The following CLSTN2 variants were observed in gnomAD, a reference collection of about 807,000 sequenced individuals.
The protein encoded by CLSTN2 is calsyntenin-2.
A neutral mutation model predicts 101.2 loss-of-function variants in CLSTN2; 48 were observed. The ratio of observed to expected loss-of-function variants is 0.47; its 90% confidence interval spans 0.38 to 0.60. CLSTN2 has a LOEUF of 0.60. CLSTN2 is among the 20% of genes least tolerant of loss of function. CLSTN2 has a pLI of 0.00. For missense variants in CLSTN2, 1,160 were observed against 1,238.2 expected (o/e 0.94, Z 0.95); for synonymous variants, 481 against 463.6 (o/e 1.04, Z -0.48).
chr3:140,492,946 AC>A (rs1934382204), intron 8 of CLSTN2, among the ~76,000 whole-genome samples: 1 of 152,142 alleles, frequency 6.6e-6, no homozygotes, highest in Admixed American at 6.6e-5. Context: ...AGTCTGACAA[AC>A]CCTACTTATC....
At chr3:140,302,024 G>A (rs1264930570) in intron 2 of CLSTN2, among the ~76,000 whole-genome samples, 1 of 152,156 alleles carries the variant, frequency 6.6e-6, no homozygotes, top group African/African-American at 2.4e-5. Flanking sequence ...TCTGTGCATG[G>A]ATTGGACTTT....
intron 2 of CLSTN2, among the ~76,000 whole-genome samples, chr3:140,205,706 A>G (rs968802521): frequency 6.7e-6 from 1 of 149,934 alleles, no homozygotes; most frequent in African/African-American, 2.4e-5. Context: ...CAGTCAAAAC[A>G]CCACTTTCCA....
chr3:140,374,746 C>T (rs1246163374), intron 2 of CLSTN2, among the ~76,000 whole-genome samples: 2 of 152,116 alleles, frequency 1.3e-5, no homozygotes, highest in African/African-American at 4.8e-5. Context: ...TAAGTAGATA[C>T]CTGTTCTTTC....
At chr3:139,999,927 C>G (rs1465046150) in intron 1 of CLSTN2, among the ~76,000 whole-genome samples, 1 of 149,174 alleles carries the variant, frequency 6.7e-6, no homozygotes, top group Non-Finnish European at 1.5e-5. Flanking sequence ...TGCATTCTAA[C>G]CTGGGCAATG....
intron 1 of CLSTN2, among the ~76,000 whole-genome samples, chr3:139,938,345 G>A (rs914051868): frequency 6.6e-6 from 1 of 152,140 alleles, no homozygotes; most frequent in Non-Finnish European, 1.5e-5. Context: ...TGTGTCTGTG[G>A]TGCACAGCTT....
At chr3:139,989,871 T>G (rs947081176) in intron 1 of CLSTN2, among the ~76,000 whole-genome samples, 9 of 152,230 alleles carry the variant, frequency 5.9e-5, no homozygotes, top group Non-Finnish European at 1.3e-4. Flanking sequence ...GAAATTGAAT[T>G]AGCAGATTTG....
At chr3:140,084,210 A>G (rs1016539129) in intron 1 of CLSTN2, among the ~76,000 whole-genome samples, 1 of 152,148 alleles carries the variant, frequency 6.6e-6, no homozygotes, top group South Asian at 2.1e-4. Flanking sequence ...CCTGAGAGGC[A>G]CCACCACATG....
rs555543741 is a variant in CLSTN2, at chr3:140,017,746, G to A, written c.109+82263G>A. ...GCAACAAAGTGGAAGGAGACCTGGAGTAAGATTGTCTTCATTTTAGAGCCT... is the reference window on the plus strand; with the variant it reads ...GCAACAAAGTGGAAGGAGACCTGGAATAAGATTGTCTTCATTTTAGAGCCT... On this transcript the variant is annotated intron_variant, in intron 1 of 16. Transcript: ENST00000458420. Among the ~76,000 whole-genome samples the A allele has an allele frequency of 3.9e-5, 6 of 152,338 alleles. No homozygotes were observed. In the South Asian group the frequency reaches 1.2e-3, roughly 32 times the overall value.
At chr3:140,258,026 T>C (rs913396677) in intron 2 of CLSTN2, among the ~76,000 whole-genome samples, 1 of 152,216 alleles carries the variant, frequency 6.6e-6, no homozygotes, top group African/African-American at 2.4e-5. Context: ...TTATTATGTA[T>C]TATTTTTTCT....
intron 9 of CLSTN2, among the ~76,000 whole-genome samples, chr3:140,537,807 C>T (rs1363391221): frequency 6.6e-6 from 1 of 152,186 alleles, no homozygotes; most frequent in Non-Finnish European, 1.5e-5. Context: ...ATTGTATACT[C>T]ACATCTGCCT....
At chr3:140,506,650 A>T (rs7615158) in intron 8 of CLSTN2, 1 of 150,128 alleles carries the variant, frequency 6.7e-6, no homozygotes, top group African/African-American at 2.5e-5. Flanking sequence ...TTGTGCACCT[A>T]CCTCATACCT....
rs557054493 is a variant in CLSTN2, at chr3:140,035,650, C to T, written c.109+100167C>T. Among the ~76,000 whole-genome samples, 8 of 152,106 alleles carry T rather than the reference C, an allele frequency of 5.3e-5. No individual in the cohort carries two copies. The South Asian group carries it at 8.3e-4, about 16-fold the overall frequency. ...TGTTTTGTGGATTAAGTGAGGGAAC[C>T]TATGTAAGCCCCAGAATGGTACTTG... On this transcript the variant is annotated intron_variant, in intron 1 of 16. Coordinates refer to ENST00000458420, the MANE Select transcript of CLSTN2 (RefSeq NM_022131.3).
chr3:140,109,103 G>A (rs1216059922), intron 1 of CLSTN2, among the ~76,000 whole-genome samples: 2 of 152,194 alleles, frequency 1.3e-5, no homozygotes, highest in Non-Finnish European at 2.9e-5. Flanking sequence ...CATGGCTTAG[G>A]GAGTTAATTC....
In CLSTN2 at chr3:140,493,114, C is replaced by T. The variant is rs537906; in HGVS notation, c.1344+26383C>T. On this transcript the variant is annotated intron_variant, in intron 8 of 16. Transcript: ENST00000458420. ...TTGGTTTAATCAGCAAAGGAAAAAA[C>T]GTCTGGGAACATTATTGCCTCACTC... is the stretch of plus-strand genomic sequence containing the variant. Among the ~76,000 whole-genome samples, 52 of 152,292 alleles carry T rather than the reference C, an allele frequency of 3.4e-4. 1 individual carries two copies. The highest frequency in any genetic ancestry group is 1.8e-3 in the Admixed American group (27 of 15,306).
chr3:140,229,551 C>T (rs1188470365), intron 2 of CLSTN2, among the ~76,000 whole-genome samples: 1 of 151,752 alleles, frequency 6.6e-6, no homozygotes, highest in African/African-American at 2.4e-5. Flanking sequence ...TTGTCTTCCA[C>T]TTGACAAAGC....
intron 1 of CLSTN2, among the ~76,000 whole-genome samples, chr3:139,982,652 CTGTGT>C (rs1176514994): frequency 4.6e-5 from 7 of 152,192 alleles, no homozygotes; most frequent in African/African-American, 1.7e-4. Context: ...TGTAGTTTCA[CTGTGT>C]TGCTGCTAAA....
intron 2 of CLSTN2, among the ~76,000 whole-genome samples, chr3:140,326,254 T>C (rs1241513538): frequency 2.6e-5 from 4 of 152,218 alleles, no homozygotes; most frequent in Admixed American, 6.5e-5. Context: ...CTTCATGTCC[T>C]TGTCAGCAGC....
intron 7 of CLSTN2, among the ~76,000 whole-genome samples, chr3:140,464,904 C>A (rs1293630213): frequency 6.6e-6 from 1 of 152,208 alleles, no homozygotes; most frequent in Non-Finnish European, 1.5e-5. Flanking sequence ...TTCCTGCCAT[C>A]CTTTGGTTAT....
chr3:140,380,190 A>C (rs957568667), intron 2 of CLSTN2, among the ~76,000 whole-genome samples: 3 of 152,206 alleles, frequency 2.0e-5, no homozygotes, highest in Non-Finnish European at 4.4e-5. Context: ...ACTGGGCTTG[A>C]GGAATGCCCA....
Sources: gnomAD v4.1 joint callset for allele counts (sites outside exome capture counted in the v4.1 genomes callset) on GRCh38, gnomAD v4.1.1 for gene constraint, MANE v1.5 for transcripts, NCBI Gene and HGNC (gene_info 2026-07-23, HGNC 2026-07-21) for gene names.